Variants in TPR observed in about 807,000 individuals in gnomAD.
The protein encoded by TPR is nucleoprotein TPR.
Under a neutral mutation model 316.1 loss-of-function variants are expected in TPR, and 51 were observed. The observed-to-expected ratio is 0.16, with a 90% CI of 0.13 to 0.20. TPR has a LOEUF of 0.20. Among genes scored for constraint, TPR ranks in the 10% least tolerant of loss-of-function variants. TPR has a pLI of 1.00. For synonymous variants in TPR, 981 were observed against 914.7 expected (o/e 1.07, Z -1.31); for missense variants, 2,272 against 2,754.8 (o/e 0.82, Z 3.92).
chr1:186,355,870 A>G (rs1659013289), intron 15 of TPR, 102 bp from the exon 16 acceptor site: 5 of 1,331,578 alleles, frequency 3.8e-6, no homozygotes, highest in Non-Finnish European at 4.1e-6. Flanking sequence ...TAAACAAGCT[A>G]AACTTATTGA....
intron 25 of TPR, 125 bp downstream of exon 25, chr1:186,344,250 A>G: frequency 2.2e-6 from 3 of 1,355,962 alleles, no homozygotes; most frequent in South Asian, 1.4e-5. Flanking sequence ...CAGTGACCCC[A>G]ATATCACGCC....
At chr1:186,318,080 CT>C (rs1657661758) in intron 48 of TPR, among the ~76,000 whole-genome samples, 1 of 152,198 alleles carries the variant, frequency 6.6e-6, no homozygotes, top group Non-Finnish European at 1.5e-5. Flanking sequence ...ATCTTTCTCT[CT>C]TCCATTCAAG....
chr1:186,344,642 G>A, intron 24 of TPR, 64 bp from the exon 25 acceptor site: 5 of 1,273,652 alleles, frequency 3.9e-6, no homozygotes, highest in East Asian at 2.6e-5. Context: ...GTTAGCACTT[G>A]TCCAAAGATA....
At chr1:186,322,999 A>T (rs115188980) in intron 43 of TPR, among the ~76,000 whole-genome samples, 2,606 of 152,298 alleles carry the variant, frequency 0.017, 77 homozygotes, top group African/African-American at 0.059. Flanking sequence ...ATATTTTTGT[A>T]GCCTCCATAC....
At chr1:186,325,056 T>C (rs1657878561) in intron 42 of TPR, among the ~76,000 whole-genome samples, 1 of 152,152 alleles carries the variant, frequency 6.6e-6, no homozygotes, top group Non-Finnish European at 1.5e-5. Flanking sequence ...GTCTGTTCTT[T>C]AGTTAAAATG....
At chr1:186,327,731 T>C (rs1658044680) in intron 39 of TPR, 71 bp from the exon 40 acceptor site, 1 of 1,324,636 alleles carries the variant, frequency 7.5e-7, no homozygotes, top group Admixed American at 2.0e-5. Context: ...TGTGAGGTAT[T>C]ATTATAGGTC....
chr1:186,320,959 C>T (rs1396924601), intron 45 of TPR, among the ~76,000 whole-genome samples: 2 of 152,184 alleles, frequency 1.3e-5, no homozygotes, highest in East Asian at 1.9e-4. Flanking sequence ...TAATTCAGGA[C>T]ATAAAACTTA....
In TPR at chr1:186,341,345, TTTC is replaced by T; in HGVS notation, c.3792_3794del (p.Lys1265del). 1 of 1,613,824 alleles carries T rather than the reference TTTC, an allele frequency of 6.2e-7. No homozygotes were observed. The highest frequency in any genetic ancestry group is 1.7e-5 in the Admixed American group (1 of 60,016). ...CCATAACTACATTCATTGTTTCAGT[TTTC>T]TTCATCAGTTCTTCATGCTGAGCCA... is the stretch of plus-strand genomic sequence containing the variant. On this transcript the variant is annotated inframe_deletion, in exon 28 of 51. Transcript: ENST00000367478.
At chr1:186,339,470 G>C (rs545895671) in intron 30 of TPR, among the ~76,000 whole-genome samples, 172 bp downstream of exon 30, 1 of 151,942 alleles carries the variant, frequency 6.6e-6, no homozygotes, top group African/African-American at 2.4e-5. Context: ...ATATACAAAG[G>C]CATAATATTA....
chr1:186,344,829 T>C (rs1440654069), intron 24 of TPR, among the ~76,000 whole-genome samples: 1 of 152,220 alleles, frequency 6.6e-6, no homozygotes, highest in Non-Finnish European at 1.5e-5. Context: ...AACTCAGCTA[T>C]ATTAAGTACT....
intron 4 of TPR, 91 bp downstream of exon 4, chr1:186,367,795 C>G (rs958674692): frequency 2.1e-5 from 17 of 820,572 alleles, no homozygotes; most frequent in Non-Finnish European, 3.0e-5. Context: ...AAAAAAATAT[C>G]AGCAACAGAA....
chr1:186,372,495 T>C (rs932623637), intron 2 of TPR, among the ~76,000 whole-genome samples: 16 of 151,906 alleles, frequency 1.1e-4, no homozygotes, highest in Non-Finnish European at 8.8e-5. Context: ...AGAGCCAAGA[T>C]TGCACCACTG....
chr1:186,331,296 TTAATA>T (rs1201732734), intron 39 of TPR, among the ~76,000 whole-genome samples, 197 bp downstream of exon 39: 6 of 152,156 alleles, frequency 3.9e-5, no homozygotes, highest in Admixed American at 6.6e-5. Context: ...AAACATTTCT[TTAATA>T]TAAGTTTAGA....
chr1:186,320,398 A>T lies in TPR; in HGVS notation c.6482T>A (p.Val2161Asp), dbSNP rs767690457. Reference protein sequence around the residue: ...EAIHSPQVAGVPRFRFGPPED... With the variant: ...EAIHSPQVAGDPRFRFGPPED... ...AGGTGGCCCAAACCGGAATCTAGGGACACCAGCAACCTGCGGCGAACTAAA... is the reference window on the plus strand; with the variant it reads ...AGGTGGCCCAAACCGGAATCTAGGGTCACCAGCAACCTGCGGCGAACTAAA... The change falls in exon 46 of 51, where the codon GTC (valine) becomes GAC (aspartate). Residue 2161 changes from valine (V) to aspartate (D), a missense_variant. This residue lies in a region of TPR where 88 missense variants were observed against 176.2 expected (regional missense o/e 0.50). Transcript: ENST00000367478. 5.0e-6 allele frequency: 8 copies of T among 1,611,890 alleles called. No homozygotes were observed. In the African/African-American group the frequency reaches 9.3e-5, roughly 19 times the overall value.
chr1:186,366,001 G>A (rs1434137145), intron 4 of TPR, among the ~76,000 whole-genome samples: 1 of 152,220 alleles, frequency 6.6e-6, no homozygotes, highest in Non-Finnish European at 1.5e-5. Flanking sequence ...AGACTATCTG[G>A]TGGAAGGGTT....
At chr1:186,373,492 C>A (rs1271961578) in intron 1 of TPR, 29 bp from the exon 2 acceptor site, 1 of 1,400,908 alleles carries the variant, frequency 7.1e-7, no homozygotes. Flanking sequence ...AAACAAAAAA[C>A]AAAATCAAAC....
chr1:186,341,036 G>A lies in TPR; in HGVS notation c.4012C>T (p.Arg1338Cys), dbSNP rs765492358. The A allele has an allele frequency of 1.7e-5, 27 of 1,613,170 alleles. No homozygotes were observed. The highest frequency in any genetic ancestry group is 4.5e-5 in the East Asian group (2 of 44,854). Reference sequence around the variant, plus strand: ...GTTTTAACTGCATTTACCTGGTTACGTGCTTTCCAACGTTTGACATCCTCT... The same window carrying A: ...GTTTTAACTGCATTTACCTGGTTACATGCTTTCCAACGTTTGACATCCTCT... ...LEEDVKRWKA[R>C]NQHLVSQQKD... The change falls in exon 29 of 51, where the codon CGT becomes TGT. Residue 1338 changes from arginine to cysteine, a missense_variant. Coordinates refer to ENST00000367478, the MANE Select transcript of TPR (RefSeq NM_003292.3).
intron 39 of TPR, among the ~76,000 whole-genome samples, chr1:186,329,181 C>T (rs1557996447): frequency 6.6e-6 from 1 of 152,078 alleles, no homozygotes; most frequent in East Asian, 1.9e-4. Flanking sequence ...GACAATTTTG[C>T]TAATTTCAAG....
chr1:186,371,373 C>T (rs1341900349), intron 2 of TPR, among the ~76,000 whole-genome samples: 1 of 152,048 alleles, frequency 6.6e-6, no homozygotes, highest in Non-Finnish European at 1.5e-5. Flanking sequence ...GTGAACTGTA[C>T]TTAGCAGTAA....
Sources: allele counts gnomAD v4.1 joint callset (sites outside exome capture counted in the v4.1 genomes callset), GRCh38; gene constraint gnomAD v4.1.1; regional missense constraint gnomAD v4.1.1; transcripts MANE v1.5; gene names NCBI Gene and HGNC (gene_info 2026-07-23, HGNC 2026-07-21).